RPS6KA1: variants seen among roughly 807,000 people sequenced by gnomAD.
RPS6KA1 encodes ribosomal protein S6 kinase alpha-1.
Under a neutral mutation model 91.3 loss-of-function variants are expected in RPS6KA1, and 48 were observed. That is an observed-to-expected ratio of 0.53 (90% confidence interval 0.42 to 0.67). RPS6KA1 has a LOEUF of 0.67. RPS6KA1 is among the 30% of genes least tolerant of loss of function. The pLI is 0.00. For synonymous variants in RPS6KA1, 359 were observed against 384.7 expected, an observed-to-expected ratio of 0.93 and a Z score of 0.78; for missense variants, 719 against 960.5, an observed-to-expected ratio of 0.75 and a Z score of 3.32.
At chr1:26,568,880 C>T (rs2076226272) in intron 17 of RPS6KA1, among the ~76,000 whole-genome samples, 1 of 151,970 alleles carries the variant, frequency 6.6e-6, no homozygotes, top group African/African-American at 2.4e-5. Context: ...CTTGCCTCTG[C>T]CTCTAACCTA....
chr1:26,556,101 G>T (rs185524899), intron 11 of RPS6KA1: 1 of 208,574 alleles, frequency 4.8e-6, no homozygotes, highest in African/African-American at 2.3e-5. Context: ...GGGAGATGAT[G>T]ATCCCAAGCT....
chr1:26,560,855 G>T lies in RPS6KA1; in HGVS notation c.1341+4G>T. 6.2e-7 allele frequency: 1 copy of T among 1,614,176 alleles called. No individual in the cohort carries two copies. The highest frequency in any genetic ancestry group is 8.5e-7 in the Non-Finnish European group (1 of 1,180,026). ...CAACATGGAGTATGCTGTCAAGGTG[G>T]GCCTCCTGACCACGTCTCGGCCAAG... On this transcript the variant is annotated splice_donor_region_variant and intron_variant, in intron 15 of 21. Coordinates refer to ENST00000374168, the MANE Select transcript of RPS6KA1 (RefSeq NM_002953.4).
chr1:26,529,789 G>C lies in RPS6KA1; in HGVS notation c.-132G>C. On this transcript the variant is annotated 5_prime_UTR_variant, in exon 1 of 22. Transcript: ENST00000374168. This position sits in a 1 kb window ranked among gnomAD's most constrained non-coding sequence, Gnocchi z 4.2. ...GTGCTAGTGCCGCGGCGGCGGCGGC[G>C]GACGGCCCAGCCGGAGCGCGAGGGG... The C allele has an allele frequency of 1.8e-6, 1 of 555,422 alleles. No individual in the cohort carries two copies. The highest frequency in any genetic ancestry group is 2.5e-6 in the Non-Finnish European group (1 of 397,996). The allele number at this position is 555,422 out of a possible 1,614,324, so 34.4% of individuals were successfully genotyped here. A position where few individuals can be genotyped will look rare whatever the true frequency, so the allele number is the denominator to read the frequency against.
chr1:26,560,973 G>T, intron 15 of RPS6KA1, 72 bp from the exon 16 acceptor site: 2 of 1,600,314 alleles, frequency 1.2e-6, no homozygotes. Context: ...AGACCTCCTG[G>T]CCTGCTCCAT....
chr1:26,560,173 G>A (rs1269127032), intron 14 of RPS6KA1, among the ~76,000 whole-genome samples: 4 of 152,254 alleles, frequency 2.6e-5, no homozygotes, highest in African/African-American at 7.2e-5. Context: ...TGCAAGGACC[G>A]CATGCGCAAG....
chr1:26,543,118 AG>A, intron 2 of RPS6KA1: 1 of 1,534,342 alleles, frequency 6.5e-7, no homozygotes, highest in South Asian at 1.2e-5. Flanking sequence ...AAGCAGAAGT[AG>A]GAAGAGTAAC....
At chr1:26,566,060 A>G (rs1297755183) in intron 17 of RPS6KA1, among the ~76,000 whole-genome samples, 1 of 151,338 alleles carries the variant, frequency 6.6e-6, no homozygotes, top group Non-Finnish European at 1.5e-5. Context: ...CTGTTGTGAC[A>G]TTCTATCTGT....
In RPS6KA1 at chr1:26,571,989, C is replaced by G; in HGVS notation, c.1829+64C>G. The G allele has an allele frequency of 6.6e-7, 1 of 1,523,978 alleles. No homozygotes were observed. The highest frequency in any genetic ancestry group is 9.0e-7 in the Non-Finnish European group (1 of 1,107,000). 94.4% of individuals were successfully genotyped at this position (1,523,978 alleles called of 1,614,324 possible). A position where few individuals can be genotyped will look rare whatever the true frequency, so the allele number is the denominator to read the frequency against. On this transcript the variant is annotated intron_variant, in intron 19 of 21. Coordinates refer to ENST00000374168, the MANE Select transcript of RPS6KA1 (RefSeq NM_002953.4). This position sits in a 1 kb window ranked among gnomAD's most constrained non-coding sequence, Gnocchi z 5.1. ...GCCCTAGCACTTGGGCTGAGTGGTG[C>G]TTGTCTGATAGGAATGGCTCAGCCA...
At chr1:26,548,676 A>G (rs2076018435) in intron 4 of RPS6KA1, among the ~76,000 whole-genome samples, 1 of 151,972 alleles carries the variant, frequency 6.6e-6, no homozygotes. Context: ...ATGCACACCT[A>G]TAGTCCCAGC....
In RPS6KA1 at chr1:26,558,281, A is replaced by T. The variant is rs554324800; in HGVS notation, c.1085-526A>T. Reference sequence around the variant, plus strand: ...AGTGGATTATCTAGTTAAAGGGAACAGTGTGTGCAAGGGCTCAGAGACCCC... The same window carrying T: ...AGTGGATTATCTAGTTAAAGGGAACTGTGTGTGCAAGGGCTCAGAGACCCC... On this transcript the variant is annotated intron_variant, in intron 13 of 21. Coordinates refer to ENST00000374168, the MANE Select transcript of RPS6KA1 (RefSeq NM_002953.4). This position sits in a 1 kb window ranked among gnomAD's most constrained non-coding sequence, Gnocchi z 4.0. Among the ~76,000 whole-genome samples, 1 of 152,266 alleles carries T rather than the reference A, an allele frequency of 6.6e-6. No individual in the cohort carries two copies. The highest frequency in any genetic ancestry group is 2.1e-4 in the South Asian group (1 of 4,818).
At position 26,571,465 on chromosome 1, in the gene RPS6KA1, T is replaced by C; in HGVS notation, c.1607T>C (p.Leu536Pro). Residue 536 changes from leucine (L) to proline (P), a missense_variant, in exon 18 of 22, where the codon CTG becomes CCG. By Grantham distance (98) the Leu-to-Pro change is moderately conservative. Coordinates refer to ENST00000374168, the MANE Select transcript of RPS6KA1 (RefSeq NM_002953.4). This position sits in a 1 kb window ranked among gnomAD's most constrained non-coding sequence, Gnocchi z 5.1. ...LHSQGVVHRD[L>P]KPSNILYVDE... The stretch of plus-strand genomic sequence containing the variant: ...TGCCCCTAGGTTGTGCACAGGGACC[T>C]GAAGCCCAGCAACATCCTGTATGTG... 1 of 1,614,126 alleles carries C rather than the reference T, an allele frequency of 6.2e-7. No individual in the cohort carries two copies. Among genetic ancestry groups the C allele is most frequent in the Non-Finnish European group, 8.5e-7 (1 of 1,180,018 alleles).
At chr1:26,536,480 G>C (rs1053088013) in intron 1 of RPS6KA1, among the ~76,000 whole-genome samples, 11 of 152,226 alleles carry the variant, frequency 7.2e-5, no homozygotes, top group Non-Finnish European at 1.5e-5. Flanking sequence ...TTCCACCCTT[G>C]CAGCAACTCT....
chr1:26,557,703 T>C (rs1013744931), intron 13 of RPS6KA1, among the ~76,000 whole-genome samples: 1 of 151,702 alleles, frequency 6.6e-6, no homozygotes, highest in African/African-American at 2.4e-5. Flanking sequence ...GGTGGAATGT[T>C]CTGGGAAACC....
intron 14 of RPS6KA1, among the ~76,000 whole-genome samples, chr1:26,560,269 G>T (rs1557508575): frequency 6.6e-6 from 1 of 152,206 alleles, no homozygotes; most frequent in African/African-American, 2.4e-5. Context: ...GCACCATTCA[G>T]CATTGCTACG....
In RPS6KA1 at chr1:26,555,204, C is replaced by A; in HGVS notation, c.810C>A (p.Thr270=). The change falls in exon 10 of 22, where the codon ACC becomes ACA. Residue 270 remains threonine (T), a synonymous_variant. Coordinates refer to ENST00000374168, the MANE Select transcript of RPS6KA1 (RefSeq NM_002953.4). This position sits in a 1 kb window ranked among gnomAD's most constrained non-coding sequence, Gnocchi z 4.3. Reference sequence around the variant, plus strand: ...TCCAGGGGAAGGACCGGAAGGAGACCATGACACTGATTCTGAAGTAAGCCC... The same window carrying A: ...TCCAGGGGAAGGACCGGAAGGAGACAATGACACTGATTCTGAAGTAAGCCC... The part of the protein sequence containing the change: ...LPFQGKDRKE[T]MTLILKAKLG... 6.2e-7 allele frequency: 1 copy of A among 1,614,100 alleles called. No individual in the cohort carries two copies. Among genetic ancestry groups the A allele is most frequent in the Admixed American group, 1.7e-5 (1 of 60,014 alleles).
chr1:26,561,277 G>T lies in RPS6KA1; in HGVS notation c.1431+143G>T, dbSNP rs542590990. On this transcript the variant is annotated intron_variant, in intron 16 of 21. Coordinates refer to ENST00000374168, the MANE Select transcript of RPS6KA1 (RefSeq NM_002953.4). This position sits in a 1 kb window ranked among gnomAD's most constrained non-coding sequence, Gnocchi z 5.7. ...GGAGGTCCCTTGGTCCCTTCAGTCT[G>T]CCCATACCCCAAGGGCCCTCCTTCA... 2.1e-6 allele frequency: 2 copies of T among 932,954 alleles called. No homozygotes were observed. The highest frequency in any genetic ancestry group is 2.3e-5 in the Admixed American group (1 of 43,388). 57.8% of individuals were successfully genotyped at this position (932,954 alleles called of 1,614,324 possible).
chr1:26,547,584 C>T lies in RPS6KA1; in HGVS notation c.307+314C>T, dbSNP rs138160581. 1.9e-3 allele frequency: 594 copies of T among 316,334 alleles called. 5 individuals are homozygous for T. The highest frequency in any genetic ancestry group is 0.012 in the African/African-American group (568 of 46,952). The allele number at this position is 316,334 out of a possible 1,614,324, so 19.6% of individuals were successfully genotyped here. On this transcript the variant is annotated intron_variant, in intron 4 of 21. Transcript: ENST00000374168. This position sits in a 1 kb window ranked among gnomAD's most constrained non-coding sequence, Gnocchi z 4.1. ...TTCTGACTGTTGATGCTAGAAGAGT[C>T]TGGGGGAGACCTCTGTGGCCCCTAA...
intron 1 of RPS6KA1, chr1:26,531,268 G>C (rs566147204): frequency 1.3e-5 from 2 of 153,308 alleles, no homozygotes; most frequent in Non-Finnish European, 2.9e-5. Flanking sequence ...CTGCTAGGCT[G>C]CTCAGAGGTT....
chr1:26,574,345 G>T lies in RPS6KA1; in HGVS notation c.*144G>T. On this transcript the variant is annotated 3_prime_UTR_variant, in exon 22 of 22. Transcript: ENST00000374168. This position sits in a 1 kb window ranked among gnomAD's most constrained non-coding sequence, Gnocchi z 4.3. ...GCTGCCAGCCCAGAACACCCCTAAT[G>T]AGGGTGTGAGAAGTGCCTTCTCCTT... 2.0e-6 allele frequency: 2 copies of T among 980,156 alleles called. No homozygotes were observed. Among genetic ancestry groups the T allele is most frequent in the Non-Finnish European group, 1.7e-6 (1 of 604,374 alleles). 60.7% of individuals were successfully genotyped at this position (980,156 alleles called of 1,614,324 possible).
Sources: allele counts gnomAD v4.1 joint callset (sites outside exome capture counted in the v4.1 genomes callset), GRCh38; gene constraint gnomAD v4.1.1; non-coding constraint Gnocchi (gnomAD v3.1); transcripts MANE v1.5; gene names NCBI Gene and HGNC (gene_info 2026-07-23, HGNC 2026-07-21).